The following CTIF variants were observed in gnomAD, a reference collection of about 807,000 sequenced individuals.
CTIF encodes the protein cap binding complex dependent translation initiation factor, also known as CBP80/20-dependent translation initiation factor.
CTIF carries 21 observed loss-of-function variants against 66.0 expected under a neutral mutation model. That is an observed-to-expected ratio of 0.32 (90% CI 0.23 to 0.46). The LOEUF is 0.46. Ranked by LOEUF, CTIF falls within the 20% of genes least tolerant of loss-of-function variation. The probability of loss-of-function intolerance (pLI) is 1.00; values close to 1 mark genes in which losing one functional copy is unlikely to be tolerated. For synonymous variants in CTIF, 345 were observed against 326.4 expected (o/e 1.06, Z -0.62); for missense variants, 739 against 812.7 (o/e 0.91, Z 1.10).
intron 1 of CTIF, among the ~76,000 whole-genome samples, chr18:48,543,233 C>T (rs56209171): frequency 1.3e-5 from 2 of 152,144 alleles, no homozygotes. Context: ...AGAGAGAATC[C>T]TGAGCCCAGA....
At chr18:48,670,297 T>C (rs2091508147) in intron 5 of CTIF, among the ~76,000 whole-genome samples, 1 of 152,194 alleles carries the variant, frequency 6.6e-6, no homozygotes, top group Non-Finnish European at 1.5e-5. Flanking sequence ...TGCCAGCCTA[T>C]GTGACCTTGA....
intron 7 of CTIF, among the ~76,000 whole-genome samples, chr18:48,744,822 CTT>C (rs1331272849): frequency 7.1e-6 from 1 of 141,496 alleles, no homozygotes. Flanking sequence ...CTTTCTTCTT[CTT>C]TTTTTTTTTT....
intron 6 of CTIF, among the ~76,000 whole-genome samples, chr18:48,702,473 T>C (rs974193511): frequency 6.6e-5 from 10 of 152,218 alleles, no homozygotes; most frequent in South Asian, 4.1e-4. Context: ...TAGCTCATTG[T>C]GTAGCTAGCC....
chr18:48,660,337 G>A (rs2091322308), intron 3 of CTIF, among the ~76,000 whole-genome samples: 1 of 152,204 alleles, frequency 6.6e-6, no homozygotes, highest in Admixed American at 6.5e-5. Flanking sequence ...CCCCAGCTGG[G>A]CCATGGTCCC....
chr18:48,801,111 C>T (rs1048784444), intron 9 of CTIF, among the ~76,000 whole-genome samples: 8 of 152,182 alleles, frequency 5.3e-5, no homozygotes, highest in Non-Finnish European at 1.2e-4. Flanking sequence ...CCACCCCCAC[C>T]CCCGGCACTG....
intron 1 of CTIF, among the ~76,000 whole-genome samples, chr18:48,596,336 C>A (rs1050552046): frequency 6.6e-5 from 10 of 152,232 alleles, no homozygotes; most frequent in African/African-American, 2.4e-4. Flanking sequence ...TGACCGCTAT[C>A]TTCAAAGTTG....
At chr18:48,753,780 T>C (rs1189169896) in intron 7 of CTIF, among the ~76,000 whole-genome samples, 1 of 152,196 alleles carries the variant, frequency 6.6e-6, no homozygotes, top group African/African-American at 2.4e-5. Context: ...GTGTCCAGTA[T>C]GTTTCCCAAC....
chr18:48,685,661 A>C (rs1349367464), intron 6 of CTIF, among the ~76,000 whole-genome samples: 1 of 152,054 alleles, frequency 6.6e-6, no homozygotes, highest in South Asian at 2.1e-4. Flanking sequence ...CCTCACTGCT[A>C]TGAAGTTACT....
chr18:48,731,037 G>A (rs2092453189), intron 7 of CTIF, among the ~76,000 whole-genome samples: 1 of 152,140 alleles, frequency 6.6e-6, no homozygotes, highest in South Asian at 2.1e-4. Context: ...AAGGGTCTGG[G>A]GGCCAGGGAA....
intron 9 of CTIF, among the ~76,000 whole-genome samples, chr18:48,786,901 C>G (rs1054813194): frequency 1.3e-5 from 2 of 149,264 alleles, no homozygotes; most frequent in African/African-American, 4.9e-5. Flanking sequence ...CTGCATGGGG[C>G]AGGGGGTGGC....
chr18:48,774,251 G>A (rs912650724), intron 9 of CTIF, among the ~76,000 whole-genome samples: 17 of 152,224 alleles, frequency 1.1e-4, no homozygotes, highest in African/African-American at 3.4e-4. Flanking sequence ...CCTCTGTCCA[G>A]GAGAGGCGGA....
intron 6 of CTIF, among the ~76,000 whole-genome samples, chr18:48,700,530 G>A (rs1371269353): frequency 6.6e-6 from 1 of 152,222 alleles, no homozygotes; most frequent in Non-Finnish European, 1.5e-5. Context: ...CTGCGCAGGT[G>A]GTTTAGGCAG....
rs142187446 is a variant in CTIF, at chr18:48,737,617, G to GA, written c.585-20292dup. On this transcript the variant is annotated intron_variant, in intron 7 of 11. Coordinates refer to ENST00000256413, the MANE Select transcript of CTIF (RefSeq NM_014772.3). The stretch of plus-strand genomic sequence containing the variant: ...TACATGAACCTTACTAATGTTAACT[G>GA]AAAAAAAAAAGCAAAGTAAGAAAAA... 1.5e-4 allele frequency among the ~76,000 whole-genome samples: 22 copies of GA among 145,922 alleles called. 1 individual carries two copies. The highest frequency in any genetic ancestry group is 3.5e-4 in the African/African-American group (14 of 39,766).
intron 9 of CTIF, among the ~76,000 whole-genome samples, chr18:48,787,305 G>A (rs1284268416): frequency 6.6e-6 from 1 of 152,132 alleles, no homozygotes; most frequent in African/African-American, 2.4e-5. Context: ...GGGAGGCGGG[G>A]AAAGGGAAGG....
At chr18:48,592,110 T>C (rs1041588571) in intron 1 of CTIF, among the ~76,000 whole-genome samples, 6 of 152,130 alleles carry the variant, frequency 3.9e-5, no homozygotes, top group African/African-American at 1.2e-4. Flanking sequence ...TAGGAGCAGT[T>C]CTCACCCTTG....
At chr18:48,747,589 G>A (rs571557053) in intron 7 of CTIF, among the ~76,000 whole-genome samples, 1 of 152,224 alleles carries the variant, frequency 6.6e-6, no homozygotes, top group South Asian at 2.1e-4. Context: ...AGAAAGTTTA[G>A]GAGAAGAGAA....
rs144692515 is a variant in CTIF at position 48,544,377 on chromosome 18, C to T, written c.-29+5065C>T. On this transcript the variant is annotated intron_variant, in intron 1 of 11. Transcript: ENST00000256413. ...CATGGTTAGTGGCATGCCCAAGTCA[C>T]GAGTAAGCAGTAGAGCAGGGATATG... 1.1e-4 allele frequency among the ~76,000 whole-genome samples: 17 copies of T among 152,308 alleles called. No individual in the cohort carries two copies. In the East Asian group the frequency reaches 2.7e-3, roughly 24 times the overall value.
At chr18:48,553,939 G>A (rs1327209311) in intron 1 of CTIF, among the ~76,000 whole-genome samples, 1 of 152,100 alleles carries the variant, frequency 6.6e-6, no homozygotes, top group Admixed American at 6.5e-5. Flanking sequence ...GGGATTACAG[G>A]CATGAGCCAC....
chr18:48,763,624 A>G (rs2145904864), intron 9 of CTIF, among the ~76,000 whole-genome samples: 1 of 152,332 alleles, frequency 6.6e-6, no homozygotes. Context: ...AGGGAAGAAA[A>G]CACAAAATTG....
Sources: allele counts gnomAD v4.1 joint callset (sites outside exome capture counted in the v4.1 genomes callset), GRCh38; gene constraint gnomAD v4.1.1; transcripts MANE v1.5; gene names NCBI Gene and HGNC (gene_info 2026-07-23, HGNC 2026-07-21).